Variants in CTSL observed in about 807,000 individuals in gnomAD.
CTSL encodes the protein cathepsin L, also known as procathepsin L.
Under a neutral mutation model 34.7 loss-of-function variants are expected in CTSL, and 23 were observed. The observed-to-expected ratio is 0.66, with a 90% confidence interval of 0.48 to 0.94. CTSL has a LOEUF of 0.94. Ranked by LOEUF, CTSL falls within the 40% of genes least tolerant of loss-of-function variation. CTSL has a pLI of 0.00. For missense variants in CTSL, 361 were observed against 406.3 expected (o/e 0.89, Z 0.96); for synonymous variants, 129 against 136.7 (o/e 0.94, Z 0.39).
At position 87,728,644 on chromosome 9, in the gene CTSL, C is replaced by G. The variant is rs1396589042; in HGVS notation, c.456C>G (p.Phe152Leu). The change falls in exon 5 of 8, where the codon TTC (phenylalanine) becomes TTG (leucine). Residue 152 changes from phenylalanine to leucine, a missense_variant. Phe to Leu is a conservative substitution (Grantham distance 22, BLOSUM62 0). Transcript: ENST00000343150. ...CTGGTGCTCTTGAAGGACAGATGTT[C>G]CGGAAAACTGGGAGGCTTATCTCAC... ...SATGALEGQM[F>L]RKTGRLISLS... The G allele has an allele frequency of 6.2e-7, 1 of 1,613,858 alleles. No individual in the cohort carries two copies. The highest frequency in any genetic ancestry group is 2.2e-5 in the East Asian group (1 of 44,852).
At chr9:87,730,680 G>A (rs555096425) in intron 7 of CTSL, among the ~76,000 whole-genome samples, 182 bp downstream of exon 7, 2 of 152,356 alleles carry the variant, frequency 1.3e-5, no homozygotes, top group South Asian at 4.1e-4. Flanking sequence ...TATCTTGGGA[G>A]TATGAATATA....
Position 87,731,132 on chromosome 9 carries a change from A to C in CTSL, c.*25A>C. 6.3e-7 allele frequency: 1 copy of C among 1,589,004 alleles called. No individual in the cohort carries two copies. The highest frequency in any genetic ancestry group is 1.1e-5 in the South Asian group (1 of 90,184). ...AGCTGGTGGACGGTGATGAGGAAGG[A>C]CTTGACTGGGGATGGCGCATGCATG... On this transcript the variant is annotated 3_prime_UTR_variant, in exon 8 of 8. Coordinates refer to ENST00000343150, the MANE Select transcript of CTSL (RefSeq NM_001912.5).
rs146147990 is a variant in CTSL at position 87,727,869 on chromosome 9, A to G, written c.126+140A>G. On this transcript the variant is annotated intron_variant, in intron 2 of 7. Transcript: ENST00000343150. The stretch of plus-strand genomic sequence containing the variant: ...GATTATGAGCACAATGTGGACATTC[A>G]TCCTTGTTGTGTCTCAGTTTGGAGA... 9 of 1,399,112 alleles carry G rather than the reference A, an allele frequency of 6.4e-6. No homozygotes were observed. In the African/African-American group the frequency reaches 8.5e-5, roughly 13 times the overall value. 86.7% of individuals were successfully genotyped at this position (1,399,112 alleles called of 1,614,324 possible).
intron 5 of CTSL, 37 bp downstream of exon 5, chr9:87,728,846 T>C: frequency 1.9e-6 from 3 of 1,614,018 alleles, no homozygotes; most frequent in Non-Finnish European, 2.5e-6. Context: ...CAGCTCAGCT[T>C]TTGGAAGGTG....
rs1046019005 is a variant in CTSL at position 87,726,270 on chromosome 9, GC to G, written c.-138del. ...GTCGAGTAGGTGTGCACCAGCCCTG[GC>G]AACGAGAGCGTCTACCCCGAACTCT... On this transcript the variant is annotated 5_prime_UTR_variant, in exon 1 of 8. Coordinates refer to ENST00000343150, the MANE Select transcript of CTSL (RefSeq NM_001912.5). 1 of 152,438 alleles carries G rather than the reference GC, an allele frequency of 6.6e-6. No individual in the cohort carries two copies. The highest frequency in any genetic ancestry group is 1.5e-5 in the Non-Finnish European group (1 of 68,208). 9.4% of individuals were successfully genotyped at this position (152,438 alleles called of 1,614,324 possible).
rs1826252828 is a variant in CTSL, at chr9:87,731,275, A to G, written c.*168A>G. 6.2e-6 allele frequency: 3 copies of G among 483,236 alleles called. No individual in the cohort carries two copies. In the South Asian group the frequency reaches 1.6e-4, roughly 26 times the overall value. 29.9% of individuals were successfully genotyped at this position (483,236 alleles called of 1,614,324 possible). The stretch of plus-strand genomic sequence containing the variant: ...TTTCACACTGGTAAATGTTACCTCT[A>G]TTTTAATTACTGCTATAAATAGGTT... On this transcript the variant is annotated 3_prime_UTR_variant, in exon 8 of 8. Coordinates refer to ENST00000343150, the MANE Select transcript of CTSL (RefSeq NM_001912.5).
chr9:87,728,455 C>G (rs1826123135), intron 4 of CTSL, 59 bp downstream of exon 4: 5 of 1,584,632 alleles, frequency 3.2e-6, no homozygotes, highest in Non-Finnish European at 4.3e-6. Flanking sequence ...AAGTGATTGA[C>G]ATCTTTGTTT....
chr9:87,727,041 AAAATAAAT>A (rs71507737), intron 1 of CTSL, among the ~76,000 whole-genome samples: 26,446 of 144,786 alleles, frequency 0.18, 2,801 homozygotes, highest in East Asian at 0.47. Flanking sequence ...TCCATCTCAA[AAAATAAAT>A]AAATAAATAA....
At position 87,731,124 on chromosome 9, in the gene CTSL, G is replaced by A; in HGVS notation, c.*17G>A. ...ACTGTGTGAGCTGGTGGACGGTGATGAGGAAGGACTTGACTGGGGATGGCG... is the reference window on the plus strand; with the variant it reads ...ACTGTGTGAGCTGGTGGACGGTGATAAGGAAGGACTTGACTGGGGATGGCG... On this transcript the variant is annotated 3_prime_UTR_variant, in exon 8 of 8. Coordinates refer to ENST00000343150, the MANE Select transcript of CTSL (RefSeq NM_001912.5). The A allele has an allele frequency of 6.2e-7, 1 of 1,604,728 alleles. No homozygotes were observed. The highest frequency in any genetic ancestry group is 8.5e-7 in the Non-Finnish European group (1 of 1,171,968).
At chr9:87,729,404 A>G (rs1203450027) in intron 5 of CTSL, among the ~76,000 whole-genome samples, 169 bp from the exon 6 acceptor site, 3 of 152,192 alleles carry the variant, frequency 2.0e-5, no homozygotes, top group Non-Finnish European at 2.9e-5. Flanking sequence ...ACTGGAGTCA[A>G]TTTTCAGTTT....
chr9:87,730,518 CT>C lies in CTSL; in HGVS notation c.902+22del. ...GAACAGGTATAAATTGCCAGAAATACTTACATTTGAAATTCAAAAGAGAATA... is the reference window on the plus strand; with the variant it reads ...GAACAGGTATAAATTGCCAGAAATACTACATTTGAAATTCAAAAGAGAATA... On this transcript the variant is annotated intron_variant, in intron 7 of 7. Coordinates refer to ENST00000343150, the MANE Select transcript of CTSL (RefSeq NM_001912.5). 1 of 1,510,072 alleles carries C rather than the reference CT, an allele frequency of 6.6e-7. No individual in the cohort carries two copies. The allele number at this position is 1,510,072 out of a possible 1,614,324, so 93.5% of individuals were successfully genotyped here.
Position 87,726,275 on chromosome 9 carries a change from G to A in CTSL, c.-134G>A, listed in dbSNP as rs973376499. 6.6e-6 allele frequency: 1 copy of A among 152,490 alleles called. No homozygotes were observed. Among genetic ancestry groups the A allele is most frequent in the African/African-American group, 2.4e-5 (1 of 41,470 alleles). 9.4% of individuals were successfully genotyped at this position (152,490 alleles called of 1,614,324 possible). A position where few individuals can be genotyped will look rare whatever the true frequency, so the allele number is the denominator to read the frequency against. ...GTAGGTGTGCACCAGCCCTGGCAACGAGAGCGTCTACCCCGAACTCTGCTG... is the reference window on the plus strand; with the variant it reads ...GTAGGTGTGCACCAGCCCTGGCAACAAGAGCGTCTACCCCGAACTCTGCTG... On this transcript the variant is annotated 5_prime_UTR_variant, in exon 1 of 8. Transcript: ENST00000343150.
chr9:87,728,042 A>C lies in CTSL; in HGVS notation c.142A>C (p.Arg48=), dbSNP rs774944971. The part of the protein sequence containing the change: ...RLYGMNEEGW[R]RAVWEKNMKM... ...TTGCCTCTAGAATGAAGAAGGATGG[A>C]GGAGAGCAGTGTGGGAGAAGAACAT... Residue 48 remains arginine, a synonymous_variant, in exon 3 of 8, where the codon AGG becomes CGG. Transcript: ENST00000343150. The C allele has an allele frequency of 6.2e-7, 1 of 1,613,848 alleles. No homozygotes were observed. The highest frequency in any genetic ancestry group is 8.5e-7 in the Non-Finnish European group (1 of 1,179,896).
intron 1 of CTSL, among the ~76,000 whole-genome samples, chr9:87,726,832 C>G (rs1269874092): frequency 6.6e-6 from 1 of 152,052 alleles, no homozygotes. Context: ...CACCTGAGGT[C>G]AGTAGTTCGA....
Position 87,731,227 on chromosome 9 carries a change from G to A in CTSL, c.*120G>A, listed in dbSNP as rs1359114851. ...CACACTCGAATCATTGAAGATCCGA[G>A]TGTGATTTGAATTCTGTGATATTTT... On this transcript the variant is annotated 3_prime_UTR_variant, in exon 8 of 8. Transcript: ENST00000343150. The A allele has an allele frequency of 1.6e-6, 1 of 616,542 alleles. No homozygotes were observed. 38.2% of individuals were successfully genotyped at this position (616,542 alleles called of 1,614,324 possible).
Position 87,731,098 on chromosome 9 carries a change from C to G in CTSL, c.993C>G (p.Pro331=). ...HCGIASAASY[P]TV is the part of the protein sequence containing the mutation. ...GAATTGCCTCAGCAGCCAGCTACCC[C>G]ACTGTGTGAGCTGGTGGACGGTGAT... Residue 331 remains proline, a synonymous_variant, in exon 8 of 8, where the codon CCC becomes CCG. Transcript: ENST00000343150. 3 of 1,613,654 alleles carry G rather than the reference C, an allele frequency of 1.9e-6. No individual in the cohort carries two copies. Among genetic ancestry groups the G allele is most frequent in the Non-Finnish European group, 2.5e-6 (3 of 1,179,674 alleles).
At chr9:87,730,625 A>C in intron 7 of CTSL, 127 bp downstream of exon 7, 2 of 629,606 alleles carry the variant, frequency 3.2e-6, no homozygotes, top group Non-Finnish European at 2.7e-6. Context: ...TAAGTTGAAC[A>C]TATAATATTA....
At chr9:87,729,876 A>G (rs1257935558) in intron 6 of CTSL, 141 bp downstream of exon 6, 2 of 705,798 alleles carry the variant, frequency 2.8e-6, no homozygotes, top group South Asian at 4.9e-5. Flanking sequence ...TGTACATGCA[A>G]TATTTATACC....
chr9:87,727,496 A>G (rs1231172148), intron 1 of CTSL, 98 bp from the exon 2 acceptor site: 1 of 1,220,054 alleles, frequency 8.2e-7, no homozygotes, highest in Non-Finnish European at 1.2e-6. Context: ...TAATTTAAAT[A>G]TTTTTATTCT....
Sources: gnomAD v4.1 joint callset for allele counts (sites outside exome capture counted in the v4.1 genomes callset) on GRCh38, gnomAD v4.1.1 for gene constraint, MANE v1.5 for transcripts, NCBI Gene and HGNC (gene_info 2026-07-23, HGNC 2026-07-21) for gene names.